Variants in ADAMTS19 observed in about 807,000 individuals in gnomAD.
The protein encoded by ADAMTS19 is A disintegrin and metalloproteinase with thrombospondin motifs 19.
ADAMTS19 carries 93 observed loss-of-function variants against 153.3 expected under a neutral mutation model. The ratio of observed to expected loss-of-function variants is 0.61; its 90% CI spans 0.51 to 0.72. The LOEUF is 0.72. Among genes scored for constraint, ADAMTS19 ranks in the 30% least tolerant of loss-of-function variants. The pLI, the probability that ADAMTS19 is intolerant of heterozygous loss-of-function variation, is 0.00. For missense variants in ADAMTS19, 1,482 were observed against 1,552.1 expected, an observed-to-expected ratio of 0.95 and a Z score of 0.76; for synonymous variants, 600 against 556.6, an observed-to-expected ratio of 1.08 and a Z score of -1.10.
intron 18 of ADAMTS19, among the ~76,000 whole-genome samples, chr5:129,686,825 C>T (rs1179010808): frequency 6.6e-6 from 1 of 152,096 alleles, no homozygotes; most frequent in Non-Finnish European, 1.5e-5. Flanking sequence ...AAAGTGGTTA[C>T]AACAAAAACA....
chr5:129,702,941 A>ATATATATATATATATATATATATAT (rs1554108030), intron 20 of ADAMTS19, among the ~76,000 whole-genome samples: 2 of 29,298 alleles, frequency 6.8e-5, no homozygotes, highest in Non-Finnish European at 1.7e-4. Flanking sequence ...AAAAAAAAAA[A>ATATATATATATATATATATATATAT]ATATATATAT....
intron 7 of ADAMTS19, among the ~76,000 whole-genome samples, chr5:129,568,462 T>A (rs998028340): frequency 6.6e-6 from 1 of 152,106 alleles, no homozygotes; most frequent in African/African-American, 2.4e-5. Context: ...AGGGTGAATA[T>A]TATGTAATGT....
chr5:129,657,413 GT>G (rs2127062523), intron 14 of ADAMTS19, among the ~76,000 whole-genome samples: 2 of 152,250 alleles, frequency 1.3e-5, no homozygotes, highest in South Asian at 2.1e-4. Flanking sequence ...ATCAGTCTCT[GT>G]TCCAAATCCT....
intron 22 of ADAMTS19, among the ~76,000 whole-genome samples, chr5:129,735,557 G>A (rs1757629782): frequency 6.7e-6 from 1 of 149,996 alleles, no homozygotes; most frequent in South Asian, 2.1e-4. Flanking sequence ...CAAGAAGAAT[G>A]GGTGCATGGA....
chr5:129,560,625 ATTT>A (rs1258854279), intron 7 of ADAMTS19, among the ~76,000 whole-genome samples: 4 of 152,170 alleles, frequency 2.6e-5, no homozygotes, highest in Admixed American at 6.5e-5. Context: ...TTACTCCGTC[ATTT>A]ATATGTTCAG....
intron 15 of ADAMTS19, among the ~76,000 whole-genome samples, chr5:129,660,541 T>C (rs1561633869): frequency 1.3e-5 from 2 of 152,106 alleles, no homozygotes; most frequent in Non-Finnish European, 2.9e-5. Flanking sequence ...TATTTAATTG[T>C]AACACTTCAT....
chr5:129,498,653 T>G (rs977467759), intron 2 of ADAMTS19, among the ~76,000 whole-genome samples: 1 of 152,094 alleles, frequency 6.6e-6, no homozygotes, highest in African/African-American at 2.4e-5. Context: ...CCTTGGTTTA[T>G]GGCATCGCTC....
intron 2 of ADAMTS19, among the ~76,000 whole-genome samples, chr5:129,493,477 T>C (rs551853808): frequency 3.9e-5 from 6 of 152,152 alleles, no homozygotes; most frequent in Non-Finnish European, 8.8e-5. Flanking sequence ...CCCCTTTCAG[T>C]ATTTTGAATA....
chr5:129,668,340 G>A (rs1056573643), intron 16 of ADAMTS19, among the ~76,000 whole-genome samples: 1 of 152,104 alleles, frequency 6.6e-6, no homozygotes, highest in Non-Finnish European at 1.5e-5. Context: ...TAGTTTGTTT[G>A]TGCTGCTATA....
intron 14 of ADAMTS19, among the ~76,000 whole-genome samples, chr5:129,655,695 GA>G (rs578011202): frequency 6.6e-6 from 1 of 152,164 alleles, no homozygotes; most frequent in South Asian, 2.1e-4. Context: ...TTCAAGCTAT[GA>G]ATGGATCAAT....
In ADAMTS19 at chr5:129,694,784, T is replaced by C. The variant is rs2127148444; in HGVS notation, c.2883T>C (p.Asn961=). Residue 961 remains asparagine (N), a synonymous_variant, in exon 19 of 23, where the codon AAT becomes AAC. Transcript: ENST00000274487. Reference sequence around the variant, plus strand: ...GCAAAAATATCAGCATTGTGGACAATGAGAAATGCAAATACTTAACCAAGC... The same window carrying C: ...GCAAAAATATCAGCATTGTGGACAACGAGAAATGCAAATACTTAACCAAGC... ...IMSKNISIVD[N]EKCKYLTKPE... The C allele has an allele frequency of 1.2e-6, 2 of 1,610,132 alleles. No individual in the cohort carries two copies. Among genetic ancestry groups the C allele is most frequent in the Non-Finnish European group, 1.7e-6 (2 of 1,177,984 alleles).
At chr5:129,590,652 A>G (rs1358612608) in intron 7 of ADAMTS19, among the ~76,000 whole-genome samples, 1 of 152,202 alleles carries the variant, frequency 6.6e-6, no homozygotes, top group Non-Finnish European at 1.5e-5. Context: ...TAACTTCCGT[A>G]AGAGTATTTT....
At chr5:129,504,118 C>A (rs1436016243) in intron 2 of ADAMTS19, among the ~76,000 whole-genome samples, 1 of 152,174 alleles carries the variant, frequency 6.6e-6, no homozygotes, top group East Asian at 1.9e-4. Context: ...ATTTTATTTT[C>A]TGGCTATATT....
intron 2 of ADAMTS19, among the ~76,000 whole-genome samples, chr5:129,462,094 G>A (rs1749695143): frequency 6.6e-6 from 1 of 152,108 alleles, no homozygotes. Context: ...AGCGCTCCAC[G>A]TGATGTCTTT....
chr5:129,681,170 T>G, intron 17 of ADAMTS19, among the ~76,000 whole-genome samples: 1 of 152,210 alleles, frequency 6.6e-6, no homozygotes, highest in African/African-American at 2.4e-5. Context: ...ATTGGCCTAT[T>G]TGCTTCTACT....
intron 8 of ADAMTS19, among the ~76,000 whole-genome samples, chr5:129,606,814 C>G (rs1750918778): frequency 6.6e-6 from 1 of 152,074 alleles, no homozygotes; most frequent in Non-Finnish European, 1.5e-5. Flanking sequence ...TATACCTATC[C>G]CAATTGTACT....
intron 10 of ADAMTS19, among the ~76,000 whole-genome samples, chr5:129,629,615 C>A (rs1317966677): frequency 6.6e-6 from 1 of 152,036 alleles, no homozygotes; most frequent in Non-Finnish European, 1.5e-5. Flanking sequence ...TAACAACTTA[C>A]ATCTGCAAAG....
intron 3 of ADAMTS19, among the ~76,000 whole-genome samples, chr5:129,523,054 C>CAAA (rs55963617): frequency 1.9e-5 from 2 of 105,270 alleles, no homozygotes; most frequent in Non-Finnish European, 2.2e-5. Context: ...GACTCCATCT[C>CAAA]AAAAAAAAAA....
intron 18 of ADAMTS19, among the ~76,000 whole-genome samples, chr5:129,689,937 A>G (rs1581230220): frequency 6.6e-6 from 1 of 152,232 alleles, no homozygotes; most frequent in African/African-American, 2.4e-5. Context: ...ATAATCCATG[A>G]ACTGGATTTG....
Sources: allele counts gnomAD v4.1 joint callset (sites outside exome capture counted in the v4.1 genomes callset), GRCh38; gene constraint gnomAD v4.1.1; transcripts MANE v1.5; gene names NCBI Gene and HGNC (gene_info 2026-07-23, HGNC 2026-07-21).